The following AMPH variants were observed in gnomAD, a reference collection of about 807,000 sequenced individuals.
AMPH encodes amphiphysin (Stiff-Mann syndrome with breast cancer 128kD autoantigen).
A neutral mutation model predicts 99.1 loss-of-function variants in AMPH; 49 were observed. The ratio of observed to expected loss-of-function variants is 0.49; its 90% CI spans 0.39 to 0.63. The LOEUF (loss-of-function observed/expected upper bound fraction) is 0.63, where lower values mean the gene tolerates loss of function less well. Among genes scored for constraint, AMPH ranks in the 20% least tolerant of loss-of-function variants. The probability of loss-of-function intolerance (pLI) is 0.00; values close to 1 mark genes in which losing one functional copy is unlikely to be tolerated. For synonymous variants in AMPH, 314 were observed against 317.3 expected (o/e 0.99, Z 0.11); for missense variants, 759 against 863.4 (o/e 0.88, Z 1.52).
chr7:38,543,510 A>G (rs1790887956), intron 1 of AMPH, among the ~76,000 whole-genome samples: 1 of 152,226 alleles, frequency 6.6e-6, no homozygotes, highest in Non-Finnish European at 1.5e-5. Flanking sequence ...CTAATTTATT[A>G]GCTATGACCT....
At chr7:38,480,857 T>A (rs1230508938) in intron 5 of AMPH, among the ~76,000 whole-genome samples, 1 of 152,180 alleles carries the variant, frequency 6.6e-6, no homozygotes, top group Non-Finnish European at 1.5e-5. Context: ...CCTTATGGAC[T>A]TGCCTTCTAG....
At chr7:38,630,800 C>T (rs1284024503) in intron 1 of AMPH, among the ~76,000 whole-genome samples, 1 of 152,200 alleles carries the variant, frequency 6.6e-6, no homozygotes, top group Non-Finnish European at 1.5e-5. Flanking sequence ...CTTAAGTAGC[C>T]ACAAAATCCC....
chr7:38,496,116 T>C (rs915866554), intron 3 of AMPH, among the ~76,000 whole-genome samples: 2 of 152,104 alleles, frequency 1.3e-5, no homozygotes, highest in Admixed American at 6.5e-5. Flanking sequence ...CAGAGCACTG[T>C]CATGAGAAAT....
At chr7:38,391,654 C>T (rs188472800) in intron 19 of AMPH, 94 bp downstream of exon 19, 102 of 1,358,890 alleles carry the variant, frequency 7.5e-5, no homozygotes, top group South Asian at 1.0e-4. Flanking sequence ...ATAATAATTG[C>T]AAAAAGTAAA....
At chr7:38,622,866 G>A (rs1014112796) in intron 1 of AMPH, among the ~76,000 whole-genome samples, 2 of 152,170 alleles carry the variant, frequency 1.3e-5, no homozygotes, top group Admixed American at 1.3e-4. Context: ...TACTGAAGCT[G>A]AGTCTAACCC....
chr7:38,413,106 T>A (rs1407167797), intron 17 of AMPH, among the ~76,000 whole-genome samples: 1 of 152,228 alleles, frequency 6.6e-6, no homozygotes. Flanking sequence ...CAACTTTTCA[T>A]GACGATGATA....
At chr7:38,465,446 C>T in intron 9 of AMPH, 21 bp downstream of exon 9, 3 of 1,556,444 alleles carry the variant, frequency 1.9e-6, no homozygotes, top group South Asian at 1.2e-5. Context: ...ATTACAGGTG[C>T]TCCAATGAGC....
chr7:38,487,328 T>TAGAC (rs1788539989), intron 5 of AMPH, among the ~76,000 whole-genome samples: 1 of 152,084 alleles, frequency 6.6e-6, no homozygotes, highest in Non-Finnish European at 1.5e-5. Context: ...AAGAGATATA[T>TAGAC]AGACCAATGG....
chr7:38,625,143 T>C (rs1377273955), intron 1 of AMPH, among the ~76,000 whole-genome samples: 2 of 152,012 alleles, frequency 1.3e-5, no homozygotes, highest in African/African-American at 2.4e-5. Flanking sequence ...ATACTTGAGA[T>C]TTCAGGTCCA....
intron 3 of AMPH, among the ~76,000 whole-genome samples, chr7:38,499,551 C>T (rs1479507342): frequency 1.3e-5 from 2 of 152,134 alleles, no homozygotes; most frequent in African/African-American, 2.4e-5. Flanking sequence ...CCCACAATTG[C>T]CCCAGGACCC....
intron 1 of AMPH, among the ~76,000 whole-genome samples, chr7:38,538,679 G>A (rs889862169): frequency 3.3e-5 from 5 of 152,286 alleles, no homozygotes; most frequent in East Asian, 1.9e-4. Flanking sequence ...AGCAATAAAC[G>A]ACAGAACCGG....
chr7:38,526,432 G>GTTTTT (rs1395538196), intron 2 of AMPH, among the ~76,000 whole-genome samples: 4 of 27,898 alleles, frequency 1.4e-4, no homozygotes, highest in East Asian at 1.3e-3. Flanking sequence ...ACCATGCCCG[G>GTTTTT]CTTTTTTTTT....
chr7:38,430,636 G>A (rs1210996431), intron 13 of AMPH, among the ~76,000 whole-genome samples: 1 of 152,168 alleles, frequency 6.6e-6, no homozygotes, highest in East Asian at 1.9e-4. Context: ...ACAAAAAATA[G>A]CATTGTCTTT....
chr7:38,509,233 A>G (rs899362992), intron 2 of AMPH, among the ~76,000 whole-genome samples: 2 of 152,176 alleles, frequency 1.3e-5, no homozygotes, highest in African/African-American at 4.8e-5. Flanking sequence ...ATAAGACTGG[A>G]TATTTGCAGT....
At chr7:38,614,981 A>G (rs1793826473) in intron 1 of AMPH, among the ~76,000 whole-genome samples, 1 of 152,196 alleles carries the variant, frequency 6.6e-6, no homozygotes, top group South Asian at 2.1e-4. Flanking sequence ...CAATGAATGA[A>G]ATGTAAAGGC....
chr7:38,529,287 T>C (rs1790306391), intron 2 of AMPH, among the ~76,000 whole-genome samples: 1 of 152,182 alleles, frequency 6.6e-6, no homozygotes, highest in African/African-American at 2.4e-5. Flanking sequence ...ACATCAAACA[T>C]AGGATTAGAA....
chr7:38,543,212 G>T (rs1395480288), intron 1 of AMPH, among the ~76,000 whole-genome samples: 1 of 152,112 alleles, frequency 6.6e-6, no homozygotes, highest in African/African-American at 2.4e-5. Flanking sequence ...AGCTATGATT[G>T]CATCGCTGCA....
chr7:38,545,377 G>C (rs567362312), intron 1 of AMPH, among the ~76,000 whole-genome samples: 12 of 152,144 alleles, frequency 7.9e-5, no homozygotes, highest in African/African-American at 2.9e-4. Flanking sequence ...CCCCCTTAAG[G>C]TTTATTTTCA....
chr7:38,460,147 G>A (rs1483880709), intron 11 of AMPH, among the ~76,000 whole-genome samples: 3 of 152,042 alleles, frequency 2.0e-5, no homozygotes, highest in Non-Finnish European at 1.5e-5. Flanking sequence ...AGATGTCATC[G>A]TACCCCAGTT....
Sources: allele counts gnomAD v4.1 joint callset (sites outside exome capture counted in the v4.1 genomes callset), GRCh38; gene constraint gnomAD v4.1.1; transcripts MANE v1.5; gene names NCBI Gene and HGNC (gene_info 2026-07-23, HGNC 2026-07-21).